PDE10A: variants seen among roughly 807,000 people sequenced by gnomAD.
PDE10A encodes cAMP and cAMP-inhibited cGMP 3',5'-cyclic phosphodiesterase 10A.
In PDE10A, 39 loss-of-function variants were observed where a neutral mutation model predicts 97.7. The ratio of observed to expected loss-of-function variants is 0.40; its 90% CI spans 0.31 to 0.52. The LOEUF is 0.52. Ranked by LOEUF, PDE10A falls within the 20% of genes least tolerant of loss-of-function variation. The pLI is 0.56. For missense variants in PDE10A, 731 were observed against 1,047.8 expected, an observed-to-expected ratio of 0.70 and a Z score of 4.17; for synonymous variants, 371 against 376.8, an observed-to-expected ratio of 0.98 and a Z score of 0.18.
At chr6:165,726,466 C>T (rs1177820001) in intron 1 of PDE10A, among the ~76,000 whole-genome samples, 2 of 152,116 alleles carry the variant, frequency 1.3e-5, no homozygotes, top group African/African-American at 2.4e-5. Context: ...AATGACTGCC[C>T]GGATGACAGA....
chr6:165,336,004 A>C, intron 21 of PDE10A, 119 bp downstream of exon 21: 1 of 829,268 alleles, frequency 1.2e-6, no homozygotes, highest in Non-Finnish European at 2.0e-6. Flanking sequence ...CCCTGAGCAC[A>C]ACAACTCGAC....
chr6:165,414,892 C>T (rs1788197316), intron 12 of PDE10A, among the ~76,000 whole-genome samples: 1 of 152,170 alleles, frequency 6.6e-6, no homozygotes, highest in African/African-American at 2.4e-5. Flanking sequence ...ACAGTGAGGT[C>T]TCATGTCAAC....
chr6:165,460,732 A>G (rs1026280367), intron 3 of PDE10A, among the ~76,000 whole-genome samples: 40 of 152,320 alleles, frequency 2.6e-4, no homozygotes, highest in African/African-American at 9.6e-4. Context: ...TAACTTCTGC[A>G]CCTATAAATT....
Position 165,619,364 on chromosome 6 carries a change from G to A in PDE10A, c.865+42583C>T, listed in dbSNP as rs1020802876. ...GTAGTCTAGTGTAGTGTAGTCTAGT[G>A]TAGTGTGGTGTAGTGTAGTCTAGTA... On this transcript the variant is annotated intron_variant, in intron 1 of 21. Transcript: ENST00000539869. Among the ~76,000 whole-genome samples, 28 of 115,992 alleles carry A rather than the reference G, an allele frequency of 2.4e-4. 1 individual carries two copies. Among genetic ancestry groups the A allele is most frequent in the African/African-American group, 6.9e-4 (19 of 27,442 alleles). The allele number at this position is 115,992 out of a possible 152,430, so 76.1% of individuals were successfully genotyped here. A position where few individuals can be genotyped will look rare whatever the true frequency, so the allele number is the denominator to read the frequency against.
intron 17 of PDE10A, among the ~76,000 whole-genome samples, chr6:165,380,663 T>C (rs759828696): frequency 6.6e-6 from 1 of 152,224 alleles, no homozygotes; most frequent in African/African-American, 2.4e-5. Flanking sequence ...ACATGGATTG[T>C]ACATGAGATG....
chr6:165,778,371 A>G (rs1296862464), intron 1 of PDE10A, among the ~76,000 whole-genome samples: 2 of 152,200 alleles, frequency 1.3e-5, no homozygotes, highest in Non-Finnish European at 2.9e-5. Context: ...CGCCTGGCCT[A>G]CATGTTTATT....
intron 1 of PDE10A, among the ~76,000 whole-genome samples, chr6:165,936,092 T>G (rs1783316805): frequency 6.6e-6 from 1 of 152,178 alleles, no homozygotes; most frequent in Non-Finnish European, 1.5e-5. Context: ...GTAATAACTT[T>G]AATAATGAGG....
At chr6:165,338,751 A>G (rs1781796875) in intron 20 of PDE10A, among the ~76,000 whole-genome samples, 1 of 152,186 alleles carries the variant, frequency 6.6e-6, no homozygotes, top group South Asian at 2.1e-4. Context: ...AAGAAAGCCT[A>G]TTTACTGCAA....
intron 1 of PDE10A, among the ~76,000 whole-genome samples, chr6:165,795,288 A>C (rs1375417523): frequency 6.6e-6 from 1 of 152,152 alleles, no homozygotes; most frequent in Admixed American, 6.5e-5. Context: ...CTGTTTAGTC[A>C]GTTGGCCATC....
At chr6:165,385,440 G>A (rs1264012850) in intron 17 of PDE10A, among the ~76,000 whole-genome samples, 1 of 152,194 alleles carries the variant, frequency 6.6e-6, no homozygotes, top group Non-Finnish European at 1.5e-5. Flanking sequence ...AGAGCCACAG[G>A]TGTGCCAGGT....
At chr6:165,632,503 G>A (rs1355391644) in intron 1 of PDE10A, among the ~76,000 whole-genome samples, 1 of 152,184 alleles carries the variant, frequency 6.6e-6, no homozygotes, top group Non-Finnish European at 1.5e-5. Flanking sequence ...ATTGTGAAAT[G>A]CACTGTTTTG....
At chr6:165,556,189 G>A (rs534850088) in intron 1 of PDE10A, among the ~76,000 whole-genome samples, 2 of 152,260 alleles carry the variant, frequency 1.3e-5, no homozygotes, top group African/African-American at 4.8e-5. Flanking sequence ...CTGGGCTGGG[G>A]GGGTCAGTAC....
rs1274635984 is a variant in PDE10A at position 165,331,534 on chromosome 6, A to T, written c.*1491T>A. Reference sequence around the variant, plus strand: ...ATGTAGAAGCATATTTTTCCATTTTATTAAAAGCGATATTCCAGTTTCCTG... The same window carrying T: ...ATGTAGAAGCATATTTTTCCATTTTTTTAAAAGCGATATTCCAGTTTCCTG... On this transcript the variant is annotated 3_prime_UTR_variant, in exon 22 of 22. Coordinates refer to ENST00000539869, the MANE Select transcript of PDE10A (RefSeq NM_001385079.1). The T allele has an allele frequency of 6.6e-6, 1 of 152,230 alleles. No homozygotes were observed. The highest frequency in any genetic ancestry group is 1.5e-5 in the Non-Finnish European group (1 of 68,034). The allele number at this position is 152,230 out of a possible 1,614,324, so 9.4% of individuals were successfully genotyped here.
At chr6:165,909,791 A>G (rs1158502440) in intron 1 of PDE10A, among the ~76,000 whole-genome samples, 1 of 152,028 alleles carries the variant, frequency 6.6e-6, no homozygotes, top group Non-Finnish European at 1.5e-5. Flanking sequence ...GTGGGTGCTC[A>G]TCTCCCAAGC....
At chr6:165,959,756 C>G (rs1419207335) in intron 1 of PDE10A, among the ~76,000 whole-genome samples, 1 of 152,150 alleles carries the variant, frequency 6.6e-6, no homozygotes, top group Non-Finnish European at 1.5e-5. Context: ...CTCTCTCCCA[C>G]TTTCCTGCTT....
Position 165,428,679 on chromosome 6 carries a change from A to G in PDE10A, c.1632T>C (p.Asp544=), listed in dbSNP as rs1311600145. Residue 544 remains aspartate (D), a synonymous_variant, in exon 10 of 22, where the codon GAT becomes GAC. Coordinates refer to ENST00000539869, the MANE Select transcript of PDE10A (RefSeq NM_001385079.1). The part of the protein sequence containing the change: ...KTYFDNIVAI[D]SLLEHIMIYA... ...CTACCATTATGTGTTCAAGTAGAGAATCTATTGCAACTATGTTATCAAAAT... is the reference window on the plus strand; with the variant it reads ...CTACCATTATGTGTTCAAGTAGAGAGTCTATTGCAACTATGTTATCAAAAT... 2.2e-6 allele frequency: 3 copies of G among 1,359,020 alleles called. No homozygotes were observed. The highest frequency in any genetic ancestry group is 1.4e-5 in the African/African-American group (1 of 68,982). The allele number at this position is 1,359,020 out of a possible 1,614,324, so 84.2% of individuals were successfully genotyped here. A position where few individuals can be genotyped will look rare whatever the true frequency, so the allele number is the denominator to read the frequency against.
intron 1 of PDE10A, among the ~76,000 whole-genome samples, chr6:165,831,491 T>TTTA (rs1318690554): frequency 6.7e-6 from 1 of 149,402 alleles, no homozygotes; most frequent in East Asian, 2.0e-4. Flanking sequence ...TTTTTTTTTT[T>TTTA]ATTTGAGACG....
intron 5 of PDE10A, among the ~76,000 whole-genome samples, chr6:165,446,269 C>T (rs1486168765): frequency 1.3e-5 from 2 of 152,064 alleles, no homozygotes; most frequent in African/African-American, 2.4e-5. Context: ...AGCAGACTCT[C>T]GCTAAGGGAA....
At chr6:165,651,845 T>C (rs1425564716) in intron 1 of PDE10A, among the ~76,000 whole-genome samples, 1 of 152,182 alleles carries the variant, frequency 6.6e-6, no homozygotes, top group Non-Finnish European at 1.5e-5. Context: ...GAATAATCTA[T>C]TTTTATTTTT....
Sources: gnomAD v4.1 joint callset for allele counts (sites outside exome capture counted in the v4.1 genomes callset) on GRCh38, gnomAD v4.1.1 for gene constraint, MANE v1.5 for transcripts, NCBI Gene and HGNC (gene_info 2026-07-23, HGNC 2026-07-21) for gene names.